The following MICAL3 variants were observed in gnomAD, a reference collection of about 807,000 sequenced individuals.
MICAL3 encodes [F-actin]-monooxygenase MICAL3.
MICAL3 carries 62 observed loss-of-function variants against 207.4 expected under a neutral mutation model. The observed-to-expected ratio is 0.30, with a 90% CI of 0.24 to 0.37. MICAL3 has a LOEUF of 0.37. MICAL3 is among the 10% of genes least tolerant of loss of function. The probability of loss-of-function intolerance (pLI) is 1.00; values close to 1 mark genes in which losing one functional copy is unlikely to be tolerated. For synonymous variants in MICAL3, 1,077 were observed against 1,069.3 expected (o/e 1.01, Z -0.14); for missense variants, 2,368 against 2,635.6 (o/e 0.90, Z 2.22).
intron 20 of MICAL3, among the ~76,000 whole-genome samples, chr22:17,833,232 T>G (rs566498610): frequency 6.6e-6 from 1 of 152,192 alleles, no homozygotes; most frequent in East Asian, 1.9e-4. Context: ...AACCCCAACA[T>G]TGCTGCACAA....
At chr22:17,907,074 G>C (rs1376842744) in intron 1 of MICAL3, among the ~76,000 whole-genome samples, 188 bp from the exon 2 acceptor site, 2 of 152,218 alleles carry the variant, frequency 1.3e-5, no homozygotes, top group Non-Finnish European at 2.9e-5. Context: ...GATGGTTCTT[G>C]CTCTCAAGGA....
chr22:17,901,362 A>C (rs1223067278), intron 5 of MICAL3, among the ~76,000 whole-genome samples: 1 of 152,178 alleles, frequency 6.6e-6, no homozygotes, highest in African/African-American at 2.4e-5. Flanking sequence ...CTAGTGCCTC[A>C]GCAAGAGTGC....
At chr22:17,887,659 G>A (rs947516515) in intron 13 of MICAL3, among the ~76,000 whole-genome samples, 2 of 152,190 alleles carry the variant, frequency 1.3e-5, no homozygotes, top group African/African-American at 4.8e-5. Context: ...AAACAAAAAT[G>A]ACTCTTCTTC....
chr22:17,840,205 C>T lies in MICAL3; in HGVS notation c.2801+1617G>A, dbSNP rs1342065604. On this transcript the variant is annotated intron_variant, in intron 20 of 31. Transcript: ENST00000441493. ...CTCCCAGGTTCAAGCAATTCTCATG[C>T]CTTACCCTCCCAAGTAGCTGGGATT... is the stretch of plus-strand genomic sequence containing the variant. The T allele has an allele frequency of 5.9e-5, 9 of 152,240 alleles. No individual in the cohort carries two copies. The East Asian group carries it at 1.7e-3, about 29-fold the overall frequency. 9.4% of individuals were successfully genotyped at this position (152,240 alleles called of 1,614,324 possible). A position where few individuals can be genotyped will look rare whatever the true frequency, so the allele number is the denominator to read the frequency against.
chr22:17,895,443 G>T, intron 9 of MICAL3, 33 bp from the exon 10 acceptor site: 1 of 1,610,862 alleles, frequency 6.2e-7, no homozygotes, highest in South Asian at 1.1e-5. Flanking sequence ...TCAGAATCGG[G>T]ACCAGCACCA....
chr22:17,818,420 C>T lies in MICAL3; in HGVS notation c.4241G>A (p.Ser1414Asn), dbSNP rs201703400. ...CAGCTCCCTGCGCTCCTCCTGGGCGCTGCGTAGCTCTCTGTCGGACGGGGA... is the reference window on the plus strand; with the variant it reads ...CAGCTCCCTGCGCTCCTCCTGGGCGTTGCGTAGCTCTCTGTCGGACGGGGA... Reference protein sequence around the residue: ...PRSPSDRELRSAQEERRELSS... With the variant: ...PRSPSDRELRNAQEERRELSS... The change falls in exon 26 of 32, where the codon AGC (serine) becomes AAC (asparagine). Residue 1414 changes from serine to asparagine, a missense_variant. This residue lies in a region of MICAL3 where 1,770 missense variants were observed against 1,863.2 expected (regional missense o/e 0.95). Transcript: ENST00000441493. 3.0e-4 allele frequency: 485 copies of T among 1,612,324 alleles called. 2 individuals are homozygous for T. Among genetic ancestry groups the T allele is most frequent in the South Asian group, 2.7e-3 (249 of 91,072 alleles).
chr22:17,895,455 G>T, intron 9 of MICAL3, 45 bp from the exon 10 acceptor site: 1 of 1,606,744 alleles, frequency 6.2e-7, no homozygotes. Flanking sequence ...CCAGCACCAT[G>T]AACATCTCCC....
rs572744310 is a variant in MICAL3 at position 17,866,097 on chromosome 22, C to T, written c.2429-85G>A. 4.3e-5 allele frequency: 43 copies of T among 1,005,300 alleles called. No homozygotes were observed. In the African/African-American group the frequency reaches 6.2e-4, roughly 14 times the overall value. The allele number at this position is 1,005,300 out of a possible 1,614,324, so 62.3% of individuals were successfully genotyped here. A position where few individuals can be genotyped will look rare whatever the true frequency, so the allele number is the denominator to read the frequency against. On this transcript the variant is annotated intron_variant, in intron 17 of 31. Transcript: ENST00000441493. ...CTCCCTGGTCTCAGCCACTCCTTTC[C>T]ATCTCCTCCAGCCTCACAAGGCCAT... is the stretch of plus-strand genomic sequence containing the variant.
Position 17,910,691 on chromosome 22 carries a change from A to G in MICAL3, c.-74-3805T>C, listed in dbSNP as rs569729104. Among the ~76,000 whole-genome samples, 11 of 152,294 alleles carry G rather than the reference A, an allele frequency of 7.2e-5. No homozygotes were observed. In the East Asian group the frequency reaches 2.1e-3, roughly 29 times the overall value. On this transcript the variant is annotated intron_variant, in intron 1 of 31. Coordinates refer to ENST00000441493, the MANE Select transcript of MICAL3 (RefSeq NM_015241.3). ...ATGACTGCAGCGCAAAGACTCCTCC[A>G]GAGTGTGACAGCATTGCTCTGTGGC...
At chr22:18,022,450 ACAGAGT>A (rs1276471726) in intron 1 of MICAL3, among the ~76,000 whole-genome samples, 1 of 149,918 alleles carries the variant, frequency 6.7e-6, no homozygotes, top group East Asian at 2.0e-4. Flanking sequence ...TTCTTTTGAG[ACAGAGT>A]CTTACTCTGT....
chr22:17,938,390 T>TA (rs1459815861), intron 1 of MICAL3, among the ~76,000 whole-genome samples: 4 of 152,196 alleles, frequency 2.6e-5, no homozygotes, highest in Non-Finnish European at 5.9e-5. Context: ...TAGCTGGACA[T>TA]ACGGCCAAGC....
At chr22:17,860,716 T>A (rs1271169473) in intron 19 of MICAL3, 1 of 985,248 alleles carries the variant, frequency 1.0e-6, no homozygotes, top group Non-Finnish European at 1.2e-6. Flanking sequence ...GCCCCCTGCG[T>A]TCCTAGTCTG....
chr22:17,870,474 T>C (rs1436937698), intron 17 of MICAL3, among the ~76,000 whole-genome samples: 2 of 152,186 alleles, frequency 1.3e-5, no homozygotes, highest in African/African-American at 2.4e-5. Flanking sequence ...CACATTACAC[T>C]TCTGCATCTT....
intron 25 of MICAL3, among the ~76,000 whole-genome samples, chr22:17,820,760 C>CA (rs927392019): frequency 8.0e-5 from 12 of 150,816 alleles, no homozygotes; most frequent in African/African-American, 2.7e-4. Context: ...TTAATTTAAA[C>CA]AAATTTATTT....
chr22:17,816,736 G>A lies in MICAL3; in HGVS notation c.5399C>T (p.Ser1800Phe). The stretch of plus-strand genomic sequence containing the variant: ...GGACTTCTCAAGGACATCGTCGCTG[G>A]AGAGGTCTGAGTCCTCGGAGAAGCT... ...QLSFSEDSDL[S>F]SDDVLEKSSQ... Residue 1800 changes from serine to phenylalanine, a missense_variant, in exon 27 of 32, where the codon TCC becomes TTC. This residue lies in a region of MICAL3 where 1,770 missense variants were observed against 1,863.2 expected (regional missense o/e 0.95). Coordinates refer to ENST00000441493, the MANE Select transcript of MICAL3 (RefSeq NM_015241.3). 1.9e-6 allele frequency: 3 copies of A among 1,552,422 alleles called. No individual in the cohort carries two copies. The highest frequency in any genetic ancestry group is 2.6e-6 in the Non-Finnish European group (3 of 1,147,736).
chr22:17,890,994 C>T (rs1930348537), intron 12 of MICAL3, among the ~76,000 whole-genome samples: 1 of 152,158 alleles, frequency 6.6e-6, no homozygotes, highest in African/African-American at 2.4e-5. Context: ...AGAGAAAATA[C>T]CAATGAACCA....
At chr22:17,805,215 C>T (rs2061977943) in intron 29 of MICAL3, among the ~76,000 whole-genome samples, 1 of 152,206 alleles carries the variant, frequency 6.6e-6, no homozygotes, top group Admixed American at 6.5e-5. Flanking sequence ...TGCCCAGCTG[C>T]CACTGCCTTC....
chr22:17,975,085 A>C (rs985391002), intron 1 of MICAL3, among the ~76,000 whole-genome samples: 1 of 152,146 alleles, frequency 6.6e-6, no homozygotes, highest in Non-Finnish European at 1.5e-5. Context: ...ACAGATTCCA[A>C]AAACAGCTCA....
intron 3 of MICAL3, among the ~76,000 whole-genome samples, chr22:17,904,155 G>C (rs1011163619): frequency 6.6e-6 from 1 of 152,220 alleles, no homozygotes; most frequent in African/African-American, 2.4e-5. Context: ...TGCGCCTCCT[G>C]CAAGTGTGGC....
Sources: gnomAD v4.1 joint callset for allele counts (sites outside exome capture counted in the v4.1 genomes callset) on GRCh38, gnomAD v4.1.1 for gene constraint, gnomAD v4.1.1 regional missense constraint, MANE v1.5 for transcripts, NCBI Gene and HGNC (gene_info 2026-07-23, HGNC 2026-07-21) for gene names.